The following TMEM232 variants were observed in gnomAD, a reference collection of about 807,000 sequenced individuals.
The protein encoded by TMEM232 is transmembrane protein 232.
Under a neutral mutation model 78.8 loss-of-function variants are expected in TMEM232, and 80 were observed. The observed-to-expected ratio is 1.01, with a 90% confidence interval of 0.85 to 1.22. TMEM232 has a LOEUF of 1.22. Among genes scored for constraint, TMEM232 ranks in the 50% most tolerant of loss-of-function variants. The pLI is 0.00. For missense variants in TMEM232, 881 were observed against 742.2 expected (o/e 1.19, Z -2.17); for synonymous variants, 297 against 254.3 (o/e 1.17, Z -1.60).
chr5:110,399,666 A>T (rs1176559002), intron 2 of TMEM232, among the ~76,000 whole-genome samples: 5 of 152,052 alleles, frequency 3.3e-5, no homozygotes, highest in African/African-American at 1.2e-4. Context: ...TTTTCAGGTT[A>T]TTGATGTGGG....
chr5:110,652,286 A>ACG (rs202204268), intron 2 of TMEM232, among the ~76,000 whole-genome samples: 44 of 143,590 alleles, frequency 3.1e-4, no homozygotes, highest in African/African-American at 1.0e-3. Flanking sequence ...ACAAAAGTGC[A>ACG]CGCGCGCGCA....
rs538701111 is a variant in TMEM232 at position 110,538,596 on chromosome 5, G to A, written c.1456-9761C>T. The stretch of plus-strand genomic sequence containing the variant: ...ACCAGGCCCCTGTCAAAAATGTGAG[G>A]GCACCAGTTACAAACCCTGTCACTG... On this transcript the variant is annotated intron_variant, in intron 11 of 13. Transcript: ENST00000455884. Among the ~76,000 whole-genome samples the A allele has an allele frequency of 3.9e-5, 6 of 152,210 alleles. No homozygotes were observed. The East Asian group carries it at 1.2e-3, about 29-fold the overall frequency.
upstream of TMEM232, among the ~76,000 whole-genome samples, chr5:110,731,441 A>G (rs1378351077): frequency 6.6e-6 from 1 of 152,154 alleles, no homozygotes; most frequent in Non-Finnish European, 1.5e-5. Context: ...GGGGTTCTCC[A>G]TGAGGGCCCC....
At chr5:110,656,720 C>G (rs771446782) in intron 2 of TMEM232, among the ~76,000 whole-genome samples, 15 of 151,918 alleles carry the variant, frequency 9.9e-5, no homozygotes, top group Non-Finnish European at 1.9e-4. Context: ...CACCGGTAGT[C>G]CCAGCTACTC....
chr5:110,587,687 ATATATGTGTGTGTGTGTGTGTG>A (rs1488929374), intron 10 of TMEM232, among the ~76,000 whole-genome samples: 5 of 78,208 alleles, frequency 6.4e-5, no homozygotes, highest in East Asian at 4.4e-4. Context: ...ATATATATAT[ATATATGTGTGTGTGTGTGTGTG>A]TGTGTGTGTG....
At chr5:110,602,681 T>G (rs1781076261) in intron 10 of TMEM232, among the ~76,000 whole-genome samples, 1 of 152,104 alleles carries the variant, frequency 6.6e-6, no homozygotes, top group Non-Finnish European at 1.5e-5. Context: ...AGGAATGCTT[T>G]TACACTGTTG....
chr5:110,599,570 G>C (rs535870522), intron 10 of TMEM232, among the ~76,000 whole-genome samples: 260 of 152,174 alleles, frequency 1.7e-3, no homozygotes, highest in African/African-American at 5.8e-3. Flanking sequence ...AAAAGACAAA[G>C]AATGGCATTA....
At chr5:110,620,522 C>A (rs1025864799) in intron 7 of TMEM232, among the ~76,000 whole-genome samples, 5 of 148,426 alleles carry the variant, frequency 3.4e-5, no homozygotes, top group African/African-American at 9.9e-5. Flanking sequence ...TAGTAGATTC[C>A]TTCTAACACT....
At chr5:110,430,209 T>C (rs1033785120) in intron 12 of TMEM232, 1 of 151,772 alleles carries the variant, frequency 6.6e-6, no homozygotes, top group African/African-American at 2.4e-5. Context: ...TTACTTTTGA[T>C]TAAATTAACT....
intron 10 of TMEM232, among the ~76,000 whole-genome samples, chr5:110,583,083 G>A (rs887743666): frequency 2.6e-5 from 4 of 151,802 alleles, no homozygotes; most frequent in African/African-American, 4.8e-5. Context: ...ACTACCTAAC[G>A]TAATCTACAA....
At position 110,450,642 on chromosome 5, in the gene TMEM232, T is replaced by C. The variant is rs1760169006; in HGVS notation, c.1704-25726A>G. On this transcript the variant is annotated intron_variant, in intron 12 of 13. Coordinates refer to ENST00000455884, the MANE Select transcript of TMEM232 (RefSeq NM_001039763.4). ...AAAACAGGTGTCAGGCAGATTCTAA[T>C]GAATCAGAACAGAGGCTGGATGTAA... Among the ~76,000 whole-genome samples, 3 of 152,270 alleles carry C rather than the reference T, an allele frequency of 2.0e-5. No individual in the cohort carries two copies. The South Asian group carries it at 6.2e-4, about 32-fold the overall frequency.
At chr5:110,625,889 ATGT>A (rs1236295476) in intron 6 of TMEM232, among the ~76,000 whole-genome samples, 1 of 151,862 alleles carries the variant, frequency 6.6e-6, no homozygotes, top group Non-Finnish European at 1.5e-5. Flanking sequence ...TAAAAACAAG[ATGT>A]TATTATTTAC....
intron 11 of TMEM232, among the ~76,000 whole-genome samples, chr5:110,551,574 G>A (rs796980129): frequency 6.6e-6 from 1 of 152,126 alleles, no homozygotes; most frequent in South Asian, 2.1e-4. Flanking sequence ...AGACAATGGA[G>A]TAGAAGTAGT....
At chr5:110,667,831 T>C (rs1323408980) in intron 1 of TMEM232, 1 of 152,194 alleles carries the variant, frequency 6.6e-6, no homozygotes, top group African/African-American at 2.4e-5. Flanking sequence ...TGTTGTCTGT[T>C]CTTTAAAGTT....
intron 1 of TMEM232, among the ~76,000 whole-genome samples, chr5:110,717,251 T>C (rs772820867): frequency 2.0e-5 from 3 of 151,736 alleles, no homozygotes; most frequent in African/African-American, 2.4e-5. Flanking sequence ...AAATTTTATA[T>C]TCTATTAATA....
chr5:110,623,759 G>A (rs1784074391), intron 7 of TMEM232, among the ~76,000 whole-genome samples: 1 of 151,972 alleles, frequency 6.6e-6, no homozygotes, highest in African/African-American at 2.4e-5. Flanking sequence ...GATAAGAGGA[G>A]GAGAAAAAGA....
intron 4 of TMEM232, chr5:110,390,355 T>A (rs34900741): frequency 0.28 from 42,071 of 151,804 alleles, 10,346 homozygotes; most frequent in African/African-American, 0.66. Flanking sequence ...CAAGTCACAA[T>A]CTGCCGCTTC....
At chr5:110,596,704 T>C (rs1780212045) in intron 10 of TMEM232, among the ~76,000 whole-genome samples, 1 of 152,166 alleles carries the variant, frequency 6.6e-6, no homozygotes, top group Non-Finnish European at 1.5e-5. Context: ...GAAAGGCTGG[T>C]TCAATATACG....
At chr5:110,638,526 C>T (rs1283780314) in intron 4 of TMEM232, among the ~76,000 whole-genome samples, 171 bp from the exon 5 acceptor site, 2 of 152,170 alleles carry the variant, frequency 1.3e-5, no homozygotes, top group South Asian at 2.1e-4. Context: ...TGTCTATATG[C>T]TCTTCTCCTT....
Sources: allele counts gnomAD v4.1 joint callset (sites outside exome capture counted in the v4.1 genomes callset), GRCh38; gene constraint gnomAD v4.1.1; transcripts MANE v1.5; gene names NCBI Gene and HGNC (gene_info 2026-07-23, HGNC 2026-07-21).